Variants in GPC6 observed in about 807,000 individuals in gnomAD.
GPC6 encodes the protein glypican-6.
A neutral mutation model predicts 55.2 loss-of-function variants in GPC6; 14 were observed. That is an observed-to-expected ratio of 0.25 (90% confidence interval 0.17 to 0.40). GPC6 has a LOEUF of 0.40. Ranked by LOEUF, GPC6 falls within the 10% of genes least tolerant of loss-of-function variation. The probability of loss-of-function intolerance (pLI) is 1.00; values close to 1 mark genes in which losing one functional copy is unlikely to be tolerated. For missense variants in GPC6, 641 were observed against 708.5 expected, an observed-to-expected ratio of 0.90 and a Z score of 1.08; for synonymous variants, 278 against 259.6, an observed-to-expected ratio of 1.07 and a Z score of -0.68.
At chr13:94,027,203 CA>C (rs892494127) in intron 3 of GPC6, among the ~76,000 whole-genome samples, 2 of 152,160 alleles carry the variant, frequency 1.3e-5, no homozygotes, top group African/African-American at 4.8e-5. Context: ...TCCAGAAGTG[CA>C]AAAGCTGCAG....
chr13:94,034,252 A>AAG (rs1594683128), intron 4 of GPC6, among the ~76,000 whole-genome samples: 1 of 57,150 alleles, frequency 1.7e-5, no homozygotes, highest in East Asian at 4.5e-4. Context: ...AAGGAAGGAA[A>AAG]GAAAGAAAGA....
chr13:93,833,429 T>C (rs1887607825), intron 3 of GPC6, among the ~76,000 whole-genome samples: 1 of 152,196 alleles, frequency 6.6e-6, no homozygotes, highest in Non-Finnish European at 1.5e-5. Flanking sequence ...AAGCCCTTCA[T>C]AAACCTGAAG....
chr13:93,329,835 A>G (rs934150689), intron 1 of GPC6, among the ~76,000 whole-genome samples: 1 of 150,380 alleles, frequency 6.6e-6, no homozygotes, highest in African/African-American at 2.5e-5. Context: ...TGGATGAACA[A>G]CAATAACAAA....
chr13:93,568,401 A>T (rs1876242149), intron 2 of GPC6, among the ~76,000 whole-genome samples: 1 of 152,186 alleles, frequency 6.6e-6, no homozygotes. Flanking sequence ...CATGATTTTG[A>T]TTCCTTAATA....
intron 2 of GPC6, among the ~76,000 whole-genome samples, chr13:93,563,898 A>G (rs922404879): frequency 3.3e-5 from 5 of 152,048 alleles, no homozygotes; most frequent in African/African-American, 9.7e-5. Flanking sequence ...TTTTATTTCA[A>G]TAGGTTTTTG....
At chr13:94,031,615 G>A (rs1002227172) in intron 4 of GPC6, among the ~76,000 whole-genome samples, 5 of 152,336 alleles carry the variant, frequency 3.3e-5, no homozygotes, top group East Asian at 1.9e-4. Context: ...AGGTATTGCC[G>A]TATTTTCATA....
intron 4 of GPC6, among the ~76,000 whole-genome samples, chr13:94,266,390 G>T (rs1023671167): frequency 2.6e-5 from 4 of 152,008 alleles, no homozygotes; most frequent in African/African-American, 9.7e-5. Context: ...GGATGGTCTC[G>T]ATCTCCTGAC....
intron 3 of GPC6, among the ~76,000 whole-genome samples, chr13:93,850,038 G>C (rs1012301111): frequency 6.6e-6 from 1 of 151,986 alleles, no homozygotes; most frequent in African/African-American, 2.4e-5. Flanking sequence ...ATGCCCATGA[G>C]TAAAAAAAGG....
At chr13:94,087,510 G>A (rs1180613515) in intron 4 of GPC6, among the ~76,000 whole-genome samples, 1 of 152,176 alleles carries the variant, frequency 6.6e-6, no homozygotes, top group Admixed American at 6.5e-5. Flanking sequence ...ACAAACTGAT[G>A]TTTATTAAGA....
chr13:93,872,138 T>C (rs1889150519), intron 3 of GPC6, among the ~76,000 whole-genome samples: 1 of 151,958 alleles, frequency 6.6e-6, no homozygotes, highest in Admixed American at 6.6e-5. Context: ...CAAAAGAGAT[T>C]ATTTGTCACT....
intron 1 of GPC6, among the ~76,000 whole-genome samples, chr13:93,506,421 A>T (rs990016006): frequency 6.6e-6 from 1 of 152,120 alleles, no homozygotes; most frequent in Non-Finnish European, 1.5e-5. Context: ...TTAGGATATT[A>T]CTCAAATGAT....
intron 7 of GPC6, among the ~76,000 whole-genome samples, chr13:94,394,409 TCTC>T (rs1880804702): frequency 6.6e-6 from 1 of 152,172 alleles, no homozygotes; most frequent in African/African-American, 2.4e-5. Context: ...GTGCCAAAAT[TCTC>T]CTTCTATGTC....
chr13:93,491,577 G>A (rs370591371), intron 1 of GPC6, among the ~76,000 whole-genome samples: 3 of 142,094 alleles, frequency 2.1e-5, no homozygotes, highest in Admixed American at 1.4e-4. Context: ...TTGGTGTTTT[G>A]GACATGAAGT....
chr13:93,572,001 T>C (rs930306465), intron 2 of GPC6, among the ~76,000 whole-genome samples: 1 of 152,190 alleles, frequency 6.6e-6, no homozygotes, highest in Non-Finnish European at 1.5e-5. Flanking sequence ...ATTTTTGTCA[T>C]TTTAGAATTG....
chr13:93,771,750 A>C (rs1366216969), intron 2 of GPC6, among the ~76,000 whole-genome samples: 2 of 152,144 alleles, frequency 1.3e-5, no homozygotes. Context: ...AGCATAGGAG[A>C]TCCACAGTTG....
chr13:94,310,556 A>G (rs751010213), intron 6 of GPC6, among the ~76,000 whole-genome samples: 14 of 152,272 alleles, frequency 9.2e-5, no homozygotes, highest in African/African-American at 3.1e-4. Flanking sequence ...GTGGCGGACT[A>G]TGCAGCATAG....
intron 3 of GPC6, among the ~76,000 whole-genome samples, chr13:93,852,448 C>A (rs979109916): frequency 4.0e-5 from 6 of 151,666 alleles, no homozygotes; most frequent in Non-Finnish European, 7.4e-5. Flanking sequence ...TAATTAAAGC[C>A]GAAATAAGCA....
At chr13:93,304,845 A>T (rs866207282) in intron 1 of GPC6, among the ~76,000 whole-genome samples, 3 of 151,970 alleles carry the variant, frequency 2.0e-5, no homozygotes, top group African/African-American at 7.3e-5. Flanking sequence ...TGGGTGGGGG[A>T]TTCTGATTAA....
chr13:93,561,423 A>G (rs1442082863), intron 2 of GPC6, among the ~76,000 whole-genome samples: 1 of 145,030 alleles, frequency 6.9e-6, no homozygotes, highest in Non-Finnish European at 1.5e-5. Flanking sequence ...ATATATATAT[A>G]TATTTGTTGC....
Sources: allele counts gnomAD v4.1 joint callset (sites outside exome capture counted in the v4.1 genomes callset), GRCh38; gene constraint gnomAD v4.1.1; transcripts MANE v1.5; gene names NCBI Gene and HGNC (gene_info 2026-07-23, HGNC 2026-07-21).